Variants in SLX9 observed in about 807,000 individuals in gnomAD.
The protein encoded by SLX9 is SLX9 ribosome biogenesis factor.
In SLX9, 19 loss-of-function variants were observed where a neutral mutation model predicts 20.8. The observed-to-expected ratio is 0.91, with a 90% CI of 0.64 to 1.34. SLX9 has a LOEUF of 1.34. SLX9 is among the 40% of genes most tolerant of loss of function. The pLI is 0.00. For missense variants in SLX9, 299 were observed against 322.2 expected, an observed-to-expected ratio of 0.93 and a Z score of 0.55; for synonymous variants, 113 against 137.1, an observed-to-expected ratio of 0.82 and a Z score of 1.23.
intron 4 of SLX9, among the ~76,000 whole-genome samples, chr21:44,971,147 T>C (rs964722963): frequency 1.3e-5 from 2 of 152,278 alleles, no homozygotes; most frequent in African/African-American, 4.8e-5. Context: ...CTCCGCCTCC[T>C]GTGTGCGCTT....
intron 4 of SLX9, among the ~76,000 whole-genome samples, chr21:44,972,165 G>T (rs553418997): frequency 5.3e-5 from 8 of 152,274 alleles, no homozygotes; most frequent in Non-Finnish European, 8.8e-5. Flanking sequence ...CTGCCTTCCC[G>T]CCGTCGTCTG....
intron 3 of SLX9, among the ~76,000 whole-genome samples, chr21:44,962,678 A>G (rs1017379709): frequency 3.9e-5 from 6 of 152,124 alleles, no homozygotes; most frequent in Non-Finnish European, 7.3e-5. Flanking sequence ...CTCTTGGGTA[A>G]GTGCTGAGGA....
intron 5 of SLX9, among the ~76,000 whole-genome samples, chr21:44,974,543 TC>T (rs1448440281): frequency 1.3e-5 from 2 of 152,156 alleles, no homozygotes; most frequent in Non-Finnish European, 2.9e-5. Context: ...TAGTAAACTG[TC>T]TTTTTTAGTT....
Position 44,960,146 on chromosome 21 carries a change from G to A in SLX9, c.330G>A (p.Leu110=). The change falls in exon 3 of 6, where the codon CTG becomes CTA. Residue 110 remains leucine (L), a synonymous_variant. Coordinates refer to ENST00000291634, the MANE Select transcript of SLX9 (RefSeq NM_058190.4). ...TGCCCAAGAAGGAGAAAATGAAGCT[G>A]AGGCGTGAGCAATGGTTGCAGAGTA... ...TVLPKKEKMK[L]RREQWLQKIE... 6.2e-7 allele frequency: 1 copy of A among 1,614,248 alleles called. No homozygotes were observed.
Position 44,955,373 on chromosome 21 carries a change from A to G in SLX9, c.284-4727A>G, listed in dbSNP as rs562596931. 3.3e-4 allele frequency among the ~76,000 whole-genome samples: 50 copies of G among 152,292 alleles called. 1 individual carries two copies. The highest frequency in any genetic ancestry group is 1.2e-3 in the African/African-American group (48 of 41,566). The stretch of plus-strand genomic sequence containing the variant: ...TGCTCGCCCACCAGCGCTCCGAGGG[A>G]AAGCTGTGCTTTCTCCAGCTTATTC... On this transcript the variant is annotated intron_variant, in intron 2 of 5. Coordinates refer to ENST00000291634, the MANE Select transcript of SLX9 (RefSeq NM_058190.4).
chr21:44,940,168 G>A lies in SLX9; in HGVS notation c.111G>A (p.Pro37=), dbSNP rs2084512489. ...APPAPEATPP[P]ASAAGKDWAF... Reference sequence around the variant, plus strand: ...CTGCCCCGGAGGCGACCCCTCCGCCGGCCTCGGCCGCGGGGAAGGTGAGCT... The same window carrying A: ...CTGCCCCGGAGGCGACCCCTCCGCCAGCCTCGGCCGCGGGGAAGGTGAGCT... Residue 37 remains proline (P), a synonymous_variant, in exon 1 of 6, where the codon CCG becomes CCA. Coordinates refer to ENST00000291634, the MANE Select transcript of SLX9 (RefSeq NM_058190.4). The A allele has an allele frequency of 1.6e-6, 2 of 1,271,420 alleles. No homozygotes were observed. Among genetic ancestry groups the A allele is most frequent in the Non-Finnish European group, 2.0e-6 (2 of 1,005,058 alleles). 78.8% of individuals were successfully genotyped at this position (1,271,420 alleles called of 1,614,324 possible).
chr21:44,957,046 T>G (rs1369233816), intron 2 of SLX9, among the ~76,000 whole-genome samples: 2 of 152,266 alleles, frequency 1.3e-5, no homozygotes, highest in Non-Finnish European at 2.9e-5. Context: ...GCGTCTCACC[T>G]TCCCTTTTCT....
chr21:44,945,879 C>G (rs569066609), intron 2 of SLX9, among the ~76,000 whole-genome samples: 8 of 152,340 alleles, frequency 5.3e-5, no homozygotes, highest in South Asian at 2.1e-4. Flanking sequence ...CCACGCCCAG[C>G]TAACGCCACC....
intron 2 of SLX9, chr21:44,958,158 C>T (rs1321819696): frequency 1.3e-5 from 2 of 152,374 alleles, no homozygotes; most frequent in African/African-American, 4.8e-5. Context: ...CAGGTGTGGC[C>T]CCTGCTGCCG....
chr21:44,952,570 C>T (rs1031683189), intron 2 of SLX9, among the ~76,000 whole-genome samples: 8 of 152,244 alleles, frequency 5.3e-5, no homozygotes, highest in African/African-American at 1.9e-4. Context: ...ATGCTGTGCC[C>T]AGCAGAGGTC....
At chr21:44,969,567 G>C (rs1944043973) in intron 4 of SLX9, among the ~76,000 whole-genome samples, 1 of 152,122 alleles carries the variant, frequency 6.6e-6, no homozygotes, top group Non-Finnish European at 1.5e-5. Flanking sequence ...CCTGACCCTG[G>C]GGGAGCTCTT....
chr21:44,960,450 G>T (rs914484617), intron 3 of SLX9, among the ~76,000 whole-genome samples: 1 of 152,256 alleles, frequency 6.6e-6, no homozygotes, highest in Non-Finnish European at 1.5e-5. Context: ...GAGCTGGGCT[G>T]CCTCCCTTTG....
At chr21:44,968,829 C>G (rs2085088504) in intron 4 of SLX9, among the ~76,000 whole-genome samples, 1 of 151,164 alleles carries the variant, frequency 6.6e-6, no homozygotes, top group Non-Finnish European at 1.5e-5. Context: ...TCTTGGCTCA[C>G]TGCAAGCTCC....
intron 4 of SLX9, among the ~76,000 whole-genome samples, chr21:44,970,091 G>A (rs1412526954): frequency 6.6e-6 from 1 of 152,054 alleles, no homozygotes; most frequent in Non-Finnish European, 1.5e-5. Context: ...GGCCCCTGCT[G>A]GGTTGAGACC....
rs966253986 is a variant in SLX9 at position 44,951,991 on chromosome 21, C to T, written c.284-8109C>T. ...CTGGTCCCTGTCCTGGAGCACGTGG[C>T]GGCGACTGGGTACACGTGTCGTGGG... On this transcript the variant is annotated intron_variant, in intron 2 of 5. Transcript: ENST00000291634. Among the ~76,000 whole-genome samples, 4 of 139,564 alleles carry T rather than the reference C, an allele frequency of 2.9e-5. 1 individual carries two copies. The highest frequency in any genetic ancestry group is 2.1e-4 in the South Asian group (1 of 4,820). The allele number at this position is 139,564 out of a possible 152,430, so 91.6% of individuals were successfully genotyped here.
intron 1 of SLX9, 96 bp downstream of exon 1, chr21:44,940,282 CT>C: frequency 8.4e-7 from 1 of 1,186,702 alleles, no homozygotes; most frequent in Non-Finnish European, 1.0e-6. Context: ...CGACCCCGGC[CT>C]TCCCTCGGGC....
At chr21:44,951,583 A>G (rs189082125) in intron 2 of SLX9, among the ~76,000 whole-genome samples, 45 of 152,250 alleles carry the variant, frequency 3.0e-4, no homozygotes, top group Admixed American at 8.5e-4. Context: ...ATAACATTTC[A>G]TGATTGAGAA....
chr21:44,953,654 G>C (rs1022649625), intron 2 of SLX9, among the ~76,000 whole-genome samples: 2 of 152,234 alleles, frequency 1.3e-5, no homozygotes, highest in Non-Finnish European at 2.9e-5. Flanking sequence ...GGGGTAGTTT[G>C]GGCAGATGCT....
At chr21:44,970,935 G>A (rs1427700877) in intron 4 of SLX9, among the ~76,000 whole-genome samples, 1 of 152,236 alleles carries the variant, frequency 6.6e-6, no homozygotes, top group African/African-American at 2.4e-5. Flanking sequence ...CTGCCCTGAG[G>A]GCCTCATGCC....
Sources: gnomAD v4.1 joint callset for allele counts (sites outside exome capture counted in the v4.1 genomes callset) on GRCh38, gnomAD v4.1.1 for gene constraint, MANE v1.5 for transcripts, NCBI Gene and HGNC (gene_info 2026-07-23, HGNC 2026-07-21) for gene names.